ULK4: variants seen among roughly 807,000 people sequenced by gnomAD.
ULK4 encodes the protein unc-51 like kinase 4.
A neutral mutation model predicts 160.6 loss-of-function variants in ULK4; 133 were observed. The ratio of observed to expected loss-of-function variants is 0.83; its 90% confidence interval spans 0.72 to 0.96. ULK4 has a LOEUF of 0.96. Ranked by LOEUF, ULK4 falls within the 40% of genes least tolerant of loss-of-function variation. ULK4 has a pLI of 0.00. For synonymous variants in ULK4, 534 were observed against 539.8 expected (o/e 0.99, Z 0.15); for missense variants, 1,580 against 1,499.5 (o/e 1.05, Z -0.89).
At chr3:41,668,393 T>C (rs1450859993) in intron 29 of ULK4, among the ~76,000 whole-genome samples, 2 of 152,230 alleles carry the variant, frequency 1.3e-5, no homozygotes, top group Admixed American at 6.5e-5. Context: ...ATAGTGATCA[T>C]ATAAAAATTT....
chr3:41,512,994 A>G (rs2085638281), intron 32 of ULK4, among the ~76,000 whole-genome samples: 1 of 42,056 alleles, frequency 2.4e-5, no homozygotes, highest in Non-Finnish European at 1.2e-4. Flanking sequence ...TTAGTAACTT[A>G]CTAATCAGCT....
intron 33 of ULK4, among the ~76,000 whole-genome samples, chr3:41,459,813 T>C (rs908378436): frequency 7.9e-5 from 12 of 152,250 alleles, no homozygotes; most frequent in Non-Finnish European, 1.6e-4. Context: ...GATTGGGGTA[T>C]GGGCAGCATG....
chr3:41,414,093 C>T (rs527626840), intron 34 of ULK4, among the ~76,000 whole-genome samples: 2 of 152,248 alleles, frequency 1.3e-5, no homozygotes, highest in Admixed American at 6.5e-5. Flanking sequence ...CCCAGCTACT[C>T]GAGAGGCCAA....
At chr3:41,282,616 G>T (rs1475120386) in intron 35 of ULK4, among the ~76,000 whole-genome samples, 1 of 152,146 alleles carries the variant, frequency 6.6e-6, no homozygotes, top group Non-Finnish European at 1.5e-5. Flanking sequence ...GCTGAAACTG[G>T]ATCCCTTCCT....
At chr3:41,434,895 T>C (rs2082998851) in intron 34 of ULK4, among the ~76,000 whole-genome samples, 1 of 152,240 alleles carries the variant, frequency 6.6e-6, no homozygotes, top group Non-Finnish European at 1.5e-5. Flanking sequence ...TCAATTTATT[T>C]TTCCCATAGC....
At position 41,840,631 on chromosome 3, in the gene ULK4, C is replaced by T. The variant is rs541972748; in HGVS notation, c.1657-4660G>A. ...CCTCGAGTGGTCTGCCCACCTCGGCCTCCCGGGGTGCTGGGATTGCAGACG... is the reference window on the plus strand; with the variant it reads ...CCTCGAGTGGTCTGCCCACCTCGGCTTCCCGGGGTGCTGGGATTGCAGACG... On this transcript the variant is annotated intron_variant, in intron 17 of 36. Transcript: ENST00000301831. Among the ~76,000 whole-genome samples, 151 of 152,368 alleles carry T rather than the reference C, an allele frequency of 9.9e-4. 1 individual carries two copies. Among genetic ancestry groups the T allele is most frequent in the African/African-American group, 3.4e-3 (143 of 41,590 alleles).
At chr3:41,856,990 T>C (rs982115422) in intron 17 of ULK4, among the ~76,000 whole-genome samples, 1 of 152,086 alleles carries the variant, frequency 6.6e-6, no homozygotes, top group Non-Finnish European at 1.5e-5. Flanking sequence ...TCCTTTGCTT[T>C]CCTATTAGAC....
chr3:41,437,100 C>A (rs889054843), intron 34 of ULK4, among the ~76,000 whole-genome samples: 1 of 152,176 alleles, frequency 6.6e-6, no homozygotes, highest in Non-Finnish European at 1.5e-5. Context: ...GAAAGCCAAC[C>A]AAGCTATACT....
At chr3:41,599,600 T>C (rs1429987406) in intron 31 of ULK4, among the ~76,000 whole-genome samples, 2 of 139,942 alleles carry the variant, frequency 1.4e-5, no homozygotes, top group Non-Finnish European at 3.0e-5. Context: ...AGTCTTGCCC[T>C]GTCACCCAGG....
intron 17 of ULK4, among the ~76,000 whole-genome samples, chr3:41,870,021 T>C (rs1286911473): frequency 1.3e-5 from 2 of 152,224 alleles, no homozygotes; most frequent in African/African-American, 4.8e-5. Context: ...TTTAAAAATA[T>C]TGTTCCACTG....
At chr3:41,870,273 T>A (rs1374985269) in intron 17 of ULK4, among the ~76,000 whole-genome samples, 1 of 152,214 alleles carries the variant, frequency 6.6e-6, no homozygotes, top group Non-Finnish European at 1.5e-5. Context: ...TTTCAACAAT[T>A]ATCCCTTCAA....
At chr3:41,775,486 C>T (rs2039577622) in intron 21 of ULK4, among the ~76,000 whole-genome samples, 1 of 149,586 alleles carries the variant, frequency 6.7e-6, no homozygotes, top group East Asian at 1.9e-4. Flanking sequence ...GCAACCTCCA[C>T]CTCCCAGTTT....
intron 31 of ULK4, among the ~76,000 whole-genome samples, chr3:41,584,563 A>C (rs2030646394): frequency 6.6e-6 from 1 of 152,206 alleles, no homozygotes; most frequent in Non-Finnish European, 1.5e-5. Context: ...CTGGGATTAG[A>C]GACATGAGCT....
At chr3:41,668,734 C>T (rs1313982236) in intron 29 of ULK4, among the ~76,000 whole-genome samples, 1 of 152,018 alleles carries the variant, frequency 6.6e-6, no homozygotes, top group Non-Finnish European at 1.5e-5. Flanking sequence ...CTGGTTAGAC[C>T]ATATCTCAAG....
intron 34 of ULK4, among the ~76,000 whole-genome samples, chr3:41,439,117 A>C (rs2083101573): frequency 6.6e-6 from 1 of 152,220 alleles, no homozygotes; most frequent in South Asian, 2.1e-4. Flanking sequence ...AGACAGAAGA[A>C]GCTTTTCCAG....
intron 22 of ULK4, among the ~76,000 whole-genome samples, chr3:41,741,678 C>T (rs78898714): frequency 0.029 from 4,415 of 151,894 alleles, 290 homozygotes; most frequent in African/African-American, 0.1. Flanking sequence ...TAAAAGGTTG[C>T]AGCAACTCAC....
At chr3:41,788,781 C>T (rs559165543) in intron 21 of ULK4, among the ~76,000 whole-genome samples, 1 of 152,212 alleles carries the variant, frequency 6.6e-6, no homozygotes, top group Non-Finnish European at 1.5e-5. Flanking sequence ...TCACAATACA[C>T]ATTAGCATAT....
At chr3:41,847,806 C>T (rs866665865) in intron 17 of ULK4, among the ~76,000 whole-genome samples, 3 of 152,054 alleles carry the variant, frequency 2.0e-5, no homozygotes, top group Non-Finnish European at 2.9e-5. Context: ...ATTAAGCCTT[C>T]GCAAGTAAAA....
At chr3:41,395,766 T>C (rs532114697) in intron 35 of ULK4, among the ~76,000 whole-genome samples, 1 of 152,284 alleles carries the variant, frequency 6.6e-6, no homozygotes, top group African/African-American at 2.4e-5. Context: ...AAAATAATTC[T>C]AGTGATAAAT....
Sources: allele counts gnomAD v4.1 joint callset (sites outside exome capture counted in the v4.1 genomes callset), GRCh38; gene constraint gnomAD v4.1.1; transcripts MANE v1.5; gene names NCBI Gene and HGNC (gene_info 2026-07-23, HGNC 2026-07-21).